Variants in ZNF215 observed in about 807,000 individuals in gnomAD.
ZNF215 encodes the protein zinc finger protein 215, also known as BWSCR2-associated zinc finger protein 2.
In ZNF215, 24 loss-of-function variants were observed where a neutral mutation model predicts 27.2. That is an observed-to-expected ratio of 0.88 (90% CI 0.64 to 1.24). The LOEUF is 1.24. Ranked by LOEUF, ZNF215 falls within the 50% of genes most tolerant of loss-of-function variation. The pLI is 0.00. For missense variants in ZNF215, 675 were observed against 605.7 expected (o/e 1.11, Z -1.20); for synonymous variants, 210 against 204.0 (o/e 1.03, Z -0.25).
downstream of ZNF215, among the ~76,000 whole-genome samples, chr11:6,991,297 C>T (rs539267108): frequency 9.8e-5 from 15 of 152,336 alleles, no homozygotes; most frequent in South Asian, 1.4e-3. Context: ...CCCCTAGCCT[C>T]CCTGCTTCCC....
intron 6 of ZNF215, among the ~76,000 whole-genome samples, chr11:6,954,919 TAGAGTATAC>T (rs1403355164): frequency 1.3e-5 from 2 of 152,094 alleles, no homozygotes; most frequent in Non-Finnish European, 2.9e-5. Context: ...TGCTAGAATA[TAGAGTATAC>T]AGAGTATATA....
rs71056773 is a variant in ZNF215, at chr11:6,964,684, CT to C, written c.805+8915del. On this transcript the variant is annotated intron_variant, in intron 5 of 5. Transcript: ENST00000529903. ...TCAGATCATGTAAGTCTTCTTAGGT[CT>C]TTTTTTTTTTTTATTTTTAATGTCT... Among the ~76,000 whole-genome samples the C allele has an allele frequency of 8.1e-3, 1,143 of 141,888 alleles. 27 individuals are homozygous for C. Among genetic ancestry groups the C allele is most frequent in the Admixed American group, 0.048 (690 of 14,234 alleles). The allele number at this position is 141,888 out of a possible 152,430, so 93.1% of individuals were successfully genotyped here.
chr11:6,967,145 CT>C lies in ZNF215; in HGVS notation c.805+11369del, dbSNP rs1188670664. ...TCCCTGCAAAGGACATAAACTCATC[CT>C]TTTTTATGGCTGCATAGTATTCCAT... is the stretch of plus-strand genomic sequence containing the variant. On this transcript the variant is annotated intron_variant, in intron 5 of 5. Transcript: ENST00000529903. 3.3e-5 allele frequency among the ~76,000 whole-genome samples: 5 copies of C among 152,084 alleles called. No individual in the cohort carries two copies. In the East Asian group the frequency reaches 7.7e-4, roughly 23 times the overall value.
rs1431691859 is a variant in ZNF215, at chr11:6,957,816, T to G, written c.*1285T>G. 1 of 985,310 alleles carries G rather than the reference T, an allele frequency of 1.0e-6. No homozygotes were observed. The highest frequency in any genetic ancestry group is 1.7e-5 in the African/African-American group (1 of 57,242). The allele number at this position is 985,310 out of a possible 1,614,324, so 61.0% of individuals were successfully genotyped here. A position where few individuals can be genotyped will look rare whatever the true frequency, so the allele number is the denominator to read the frequency against. On this transcript the variant is annotated 3_prime_UTR_variant, in exon 7 of 7. Coordinates refer to ENST00000278319, the MANE Select transcript of ZNF215 (RefSeq NM_013250.4). ...ATCATTTATACCAGACATTATGAAG[T>G]TATTAAAGTCTCCTATACTCTGTAC...
chr11:6,955,739 A>G lies in ZNF215; in HGVS notation c.762A>G (p.Thr254=). The part of the protein sequence containing the change: ...GEESSHGVIM[T]RLTESGHPSS... ...AATCATCCCATGGAGTGATTATGAC[A>G]AGGCTTACCGAAAGTGGACACCCTT... Residue 254 remains threonine, a synonymous_variant, in exon 7 of 7, where the codon ACA becomes ACG. Coordinates refer to ENST00000278319, the MANE Select transcript of ZNF215 (RefSeq NM_013250.4). 1.2e-6 allele frequency: 2 copies of G among 1,601,422 alleles called. No homozygotes were observed. The highest frequency in any genetic ancestry group is 8.5e-7 in the Non-Finnish European group (1 of 1,176,238).
intron 5 of ZNF215, among the ~76,000 whole-genome samples, chr11:6,978,513 T>C (rs920233946): frequency 2.6e-5 from 4 of 152,032 alleles, no homozygotes; most frequent in African/African-American, 9.7e-5. Context: ...TGCTGCGATA[T>C]GTAGGAGACA....
At position 6,957,287 on chromosome 11, in the gene ZNF215, CT is replaced by C; in HGVS notation, c.*757del. The C allele has an allele frequency of 1.6e-6, 1 of 621,898 alleles. No homozygotes were observed. The highest frequency in any genetic ancestry group is 2.0e-6 in the Non-Finnish European group (1 of 497,952). The allele number at this position is 621,898 out of a possible 1,614,324, so 38.5% of individuals were successfully genotyped here. On this transcript the variant is annotated 3_prime_UTR_variant, in exon 7 of 7. Coordinates refer to ENST00000278319, the MANE Select transcript of ZNF215 (RefSeq NM_013250.4). ...GGACACTGTGTGGAGTTCGCACACT[CT>C]CCCTATGTCTCCGGGTGCTCCAGTT...
rs1462078111 is a variant in ZNF215 at position 6,956,208 on chromosome 11, G to C, written c.1231G>C (p.Glu411Gln). Residue 411 changes from glutamate (E) to glutamine (Q), a missense_variant, in exon 7 of 7, where the codon GAA becomes CAA. By Grantham distance (29) the Glu-to-Gln change is conservative (BLOSUM62 2). Coordinates refer to ENST00000278319, the MANE Select transcript of ZNF215 (RefSeq NM_013250.4). The part of the protein sequence containing the change: ...HTGEKPYKCS[E>Q]CGRFFNRRTN... ...AGGAGAGAAACCCTATAAATGCAGTGAATGTGGGAGATTCTTCAACCGACG... is the reference window on the plus strand; with the variant it reads ...AGGAGAGAAACCCTATAAATGCAGTCAATGTGGGAGATTCTTCAACCGACG... 6.2e-7 allele frequency: 1 copy of C among 1,613,000 alleles called. No homozygotes were observed.
chr11:6,990,707 T>A (rs938884258), downstream of ZNF215, among the ~76,000 whole-genome samples: 1 of 152,256 alleles, frequency 6.6e-6, no homozygotes, highest in East Asian at 1.9e-4. Context: ...TAGGTGGATA[T>A]TACCTAATTC....
In ZNF215 at chr11:6,932,495, C is replaced by T. The variant is rs775546404; in HGVS notation, c.223C>T (p.Gln75Ter). The T allele has an allele frequency of 1.2e-6, 2 of 1,614,152 alleles. No individual in the cohort carries two copies. The highest frequency in any genetic ancestry group is 1.7e-5 in the Admixed American group (1 of 60,012). ...GAGCCAACTCTGGGAGCTCTGTCTT[C>T]AATGGCTGAGACCAGAGATTCATAC... ...ALSQLWELCLQWLRPEIHTKK... is the reference protein window; with the variant it reads ...ALSQLWELCL The change falls in exon 3 of 7, where the codon CAA (glutamine) becomes TAA (stop). Residue 75 changes from glutamine to a stop codon, truncating the protein, a stop_gained. Transcript: ENST00000278319. LOFTEE classifies it high-confidence loss of function.
At chr11:6,994,267 A>G (rs1156662038) in intron 6 of ZNF215, among the ~76,000 whole-genome samples, 1 of 151,874 alleles carries the variant, frequency 6.6e-6, no homozygotes, top group Non-Finnish European at 1.5e-5. Flanking sequence ...ATCCGTTGAC[A>G]AAAATGTTGT....
rs192913397 is a variant in ZNF215, at chr11:6,943,210, G to A, written c.611G>A (p.Arg204His). The A allele has an allele frequency of 1.2e-5, 20 of 1,611,056 alleles. No individual in the cohort carries two copies. The highest frequency in any genetic ancestry group is 8.9e-5 in the East Asian group (4 of 44,868). The change falls in exon 5 of 7, where the codon CGT becomes CAT. Residue 204 changes from arginine to histidine, a missense_variant. By Grantham distance (29) the Arg-to-His change is conservative. Transcript: ENST00000278319. ...LENFRNLNSLRKAHLLSKPFE... is the reference protein window; with the variant it reads ...LENFRNLNSLHKAHLLSKPFE... Reference sequence around the variant, plus strand: ...AACTTTAGGAACCTGAATTCATTGCGTAAAGGTGGTTTCTATATGTTTACC... The same window carrying A: ...AACTTTAGGAACCTGAATTCATTGCATAAAGGTGGTTTCTATATGTTTACC...
At chr11:6,988,077 G>A (rs1851079292), downstream of ZNF215, 2 of 399,768 alleles carry the variant, frequency 5.0e-6, no homozygotes, top group Non-Finnish European at 6.8e-6. Flanking sequence ...CCATGTTGAA[G>A]TAGTGTGACC....
chr11:6,983,573 T>C (rs1229491666), intron 5 of ZNF215, among the ~76,000 whole-genome samples: 1 of 152,068 alleles, frequency 6.6e-6, no homozygotes, highest in East Asian at 1.9e-4. Context: ...AGAATATAAA[T>C]TCCAAATGTA....
downstream of ZNF215, among the ~76,000 whole-genome samples, chr11:6,960,939 G>T (rs1029387718): frequency 1.3e-5 from 2 of 152,112 alleles, no homozygotes; most frequent in Non-Finnish European, 2.9e-5. Context: ...TGTCAGAGAA[G>T]TTTTGTTATT....
intron 5 of ZNF215, among the ~76,000 whole-genome samples, chr11:6,972,223 A>G (rs1850732087): frequency 6.6e-6 from 1 of 152,028 alleles, no homozygotes. Flanking sequence ...AATATTTTAG[A>G]CTTTATAGGT....
chr11:6,948,632 C>T (rs919710764), intron 6 of ZNF215, among the ~76,000 whole-genome samples: 1 of 152,030 alleles, frequency 6.6e-6, no homozygotes, highest in Non-Finnish European at 1.5e-5. Flanking sequence ...AAACAAGGAA[C>T]AGTAATGTAT....
chr11:6,932,569 C>G lies in ZNF215; in HGVS notation c.297C>G (p.Ile99Met), dbSNP rs1025547497. The stretch of plus-strand genomic sequence containing the variant: ...TGGTGCTGGAACAATTCCTGGCAAT[C>G]CTGCCTGAAGAAGTCAGGACTTGGG... ...ELLVLEQFLA[I>M]LPEEVRTWVN... The change falls in exon 3 of 7, where the codon ATC (isoleucine) becomes ATG (methionine). Residue 99 changes from isoleucine (I) to methionine (M), a missense_variant. Transcript: ENST00000278319. The G allele has an allele frequency of 6.2e-7, 1 of 1,613,960 alleles. No individual in the cohort carries two copies. The highest frequency in any genetic ancestry group is 1.3e-5 in the African/African-American group (1 of 74,864).
chr11:6,928,251 TTATC>T (rs1327505772), intron 2 of ZNF215, among the ~76,000 whole-genome samples: 1 of 152,198 alleles, frequency 6.6e-6, no homozygotes, highest in East Asian at 1.9e-4. Context: ...CTAGTTTTAT[TTATC>T]TATTAGGCTA....
Sources: gnomAD v4.1 joint callset for allele counts (sites outside exome capture counted in the v4.1 genomes callset) on GRCh38, gnomAD v4.1.1 for gene constraint, MANE v1.5 for transcripts, NCBI Gene and HGNC (gene_info 2026-07-23, HGNC 2026-07-21) for gene names.